Variants in PRORP observed in about 807,000 individuals in gnomAD.
PRORP encodes mitochondrial ribonuclease P catalytic subunit.
PRORP carries 51 observed loss-of-function variants against 59.4 expected under a neutral mutation model. That is an observed-to-expected ratio of 0.86 (90% CI 0.69 to 1.08). The LOEUF (loss-of-function observed/expected upper bound fraction) is 1.08. Ranked by LOEUF, PRORP falls within the 50% of genes least tolerant of loss-of-function variation. The pLI is 0.00. For missense variants in PRORP, 646 were observed against 690.3 expected, an observed-to-expected ratio of 0.94 and a Z score of 0.72; for synonymous variants, 231 against 245.6, an observed-to-expected ratio of 0.94 and a Z score of 0.55.
At chr14:35,243,484 C>T (rs542125226) in intron 5 of PRORP, among the ~76,000 whole-genome samples, 45 of 150,682 alleles carry the variant, frequency 3.0e-4, no homozygotes, top group African/African-American at 9.8e-4. Context: ...TGCAGTGAGC[C>T]GTGATCACAC....
intron 7 of PRORP, among the ~76,000 whole-genome samples, chr14:35,272,078 G>A (rs2051208007): frequency 6.6e-6 from 1 of 151,724 alleles, no homozygotes; most frequent in Non-Finnish European, 1.5e-5. Context: ...GGTCAAAGGA[G>A]AAAAAATTTC....
chr14:35,206,618 A>G (rs990063433), intron 5 of PRORP, among the ~76,000 whole-genome samples: 2 of 152,190 alleles, frequency 1.3e-5, no homozygotes, highest in Non-Finnish European at 2.9e-5. Flanking sequence ...CTTCTTCTCT[A>G]CCATAAGTCT....
chr14:35,234,950 C>T (rs1052094301), intron 5 of PRORP, among the ~76,000 whole-genome samples: 4 of 152,110 alleles, frequency 2.6e-5, no homozygotes, highest in African/African-American at 9.7e-5. Context: ...TCCCAAAGTG[C>T]TGGGATTACA....
chr14:35,183,238 A>G (rs995358038), intron 5 of PRORP, among the ~76,000 whole-genome samples: 4 of 151,492 alleles, frequency 2.6e-5, no homozygotes, highest in East Asian at 1.9e-4. Context: ...ACACACACAC[A>G]CGCACACACA....
At chr14:35,186,111 T>A (rs1329710456) in intron 5 of PRORP, among the ~76,000 whole-genome samples, 1 of 151,466 alleles carries the variant, frequency 6.6e-6, no homozygotes, top group Non-Finnish European at 1.5e-5. Context: ...GCCTTCTGAG[T>A]AGCTGGGACT....
At chr14:35,157,024 C>T (rs569371761) in intron 4 of PRORP, among the ~76,000 whole-genome samples, 99 of 144,634 alleles carry the variant, frequency 6.8e-4, no homozygotes, top group African/African-American at 2.4e-3. Flanking sequence ...GGCTCCATCT[C>T]GGCTCACTGC....
chr14:35,134,008 T>TG (rs1393626717), intron 4 of PRORP, among the ~76,000 whole-genome samples: 1 of 152,096 alleles, frequency 6.6e-6, no homozygotes, highest in African/African-American at 2.4e-5. Flanking sequence ...CTCAAGGCCC[T>TG]GGGGCACTAC....
At chr14:35,188,565 T>C (rs1022160136) in intron 5 of PRORP, among the ~76,000 whole-genome samples, 3 of 152,192 alleles carry the variant, frequency 2.0e-5, no homozygotes, top group African/African-American at 7.2e-5. Context: ...TCTCCCAGGC[T>C]TTGGATTCTC....
intron 5 of PRORP, among the ~76,000 whole-genome samples, chr14:35,232,632 G>A (rs2050110366): frequency 6.6e-6 from 1 of 151,940 alleles, no homozygotes; most frequent in Admixed American, 6.6e-5. Context: ...CCAGAGCATG[G>A]TAAAATCTGG....
At position 35,163,279 on chromosome 14, in the gene PRORP, AT is replaced by A. The variant is rs539851843; in HGVS notation, c.1168-17390del. Among the ~76,000 whole-genome samples the A allele has an allele frequency of 3.8e-3, 579 of 152,234 alleles. 3 individuals carry two copies. The highest frequency in any genetic ancestry group is 0.012 in the African/African-American group (509 of 41,554). ...ATAATACATTTATAAATGAAAAAAA[AT>A]GTATACATAAAAAAATTATGTACTC... On this transcript the variant is annotated intron_variant, in intron 4 of 7. Transcript: ENST00000534898.
In PRORP at chr14:35,277,597, T is replaced by C. The variant is rs1457753483; in HGVS notation, c.*4031T>C. 3 of 152,222 alleles carry C rather than the reference T, an allele frequency of 2.0e-5. No homozygotes were observed. Among genetic ancestry groups the C allele is most frequent in the Non-Finnish European group, 2.9e-5 (2 of 68,030 alleles). 9.4% of individuals were successfully genotyped at this position (152,222 alleles called of 1,614,324 possible). Reference sequence around the variant, plus strand: ...AGACAGGAACACAGATGAATAAATGTAATAAAATTTGAGAAATAATCTTTA... The same window carrying C: ...AGACAGGAACACAGATGAATAAATGCAATAAAATTTGAGAAATAATCTTTA... On this transcript the variant is annotated 3_prime_UTR_variant, in exon 8 of 8. Coordinates refer to ENST00000534898, the MANE Select transcript of PRORP (RefSeq NM_014672.4).
At chr14:35,212,014 A>C (rs539506978) in intron 5 of PRORP, among the ~76,000 whole-genome samples, 69 of 152,198 alleles carry the variant, frequency 4.5e-4, no homozygotes, top group African/African-American at 1.6e-3. Context: ...TATCATTTCA[A>C]CAACGTTCAC....
chr14:35,243,362 T>G (rs2050409501), intron 5 of PRORP, among the ~76,000 whole-genome samples: 1 of 151,754 alleles, frequency 6.6e-6, no homozygotes, highest in Admixed American at 6.6e-5. Flanking sequence ...AGTGAGACTC[T>G]CATCTCTATA....
At chr14:35,128,779 A>G (rs1350118941) in intron 4 of PRORP, among the ~76,000 whole-genome samples, 21 of 152,118 alleles carry the variant, frequency 1.4e-4, no homozygotes, top group Admixed American at 1.3e-3. Context: ...CAAAAAACCA[A>G]CTTTTTGTTT....
intron 4 of PRORP, among the ~76,000 whole-genome samples, chr14:35,175,209 G>T (rs908865653): frequency 3.7e-4 from 56 of 152,076 alleles, no homozygotes; most frequent in Non-Finnish European, 7.2e-4. Flanking sequence ...ACATACATGT[G>T]CATGTGTCTT....
At chr14:35,244,549 CAT>C (rs1404323082) in intron 5 of PRORP, among the ~76,000 whole-genome samples, 2 of 151,770 alleles carry the variant, frequency 1.3e-5, no homozygotes, top group East Asian at 3.9e-4. Flanking sequence ...TGGGTTTAAA[CAT>C]ATGAGGTTGC....
intron 4 of PRORP, among the ~76,000 whole-genome samples, chr14:35,142,722 A>G (rs1195842830): frequency 6.9e-6 from 1 of 144,578 alleles, no homozygotes; most frequent in Admixed American, 7.2e-5. Context: ...TCATGCCTGT[A>G]GTCCTAGCTA....
intron 4 of PRORP, among the ~76,000 whole-genome samples, chr14:35,128,078 G>A (rs1479486925): frequency 6.6e-6 from 1 of 152,194 alleles, no homozygotes; most frequent in Non-Finnish European, 1.5e-5. Flanking sequence ...AGAGTTTAGA[G>A]TAACTTAAGA....
chr14:35,236,425 C>T (rs1033746820), intron 5 of PRORP, among the ~76,000 whole-genome samples: 1 of 152,178 alleles, frequency 6.6e-6, no homozygotes, highest in African/African-American at 2.4e-5. Flanking sequence ...GTATACAATT[C>T]TTTTCTTGCT....
Sources: allele counts gnomAD v4.1 joint callset (sites outside exome capture counted in the v4.1 genomes callset), GRCh38; gene constraint gnomAD v4.1.1; transcripts MANE v1.5; gene names NCBI Gene and HGNC (gene_info 2026-07-23, HGNC 2026-07-21).